The following TLL1 variants were observed in gnomAD, a reference collection of about 807,000 sequenced individuals.
The protein encoded by TLL1 is tolloid-like protein 1.
TLL1 carries 49 observed loss-of-function variants against 128.2 expected under a neutral mutation model. The observed-to-expected ratio is 0.38, with a 90% confidence interval of 0.30 to 0.48. TLL1 has a LOEUF of 0.48. Ranked by LOEUF, TLL1 falls within the 20% of genes least tolerant of loss-of-function variation. The pLI is 0.96. For synonymous variants in TLL1, 454 were observed against 418.8 expected, an observed-to-expected ratio of 1.08 and a Z score of -1.03; for missense variants, 1,123 against 1,242.0, an observed-to-expected ratio of 0.90 and a Z score of 1.44.
intron 19 of TLL1, among the ~76,000 whole-genome samples, chr4:166,098,236 G>A (rs1007068051): frequency 1.3e-5 from 2 of 151,244 alleles, no homozygotes; most frequent in African/African-American, 4.9e-5. Flanking sequence ...TTGGGAGGGT[G>A]AGGCAGGAGA....
At chr4:166,040,205 A>C (rs1262232440) in intron 10 of TLL1, among the ~76,000 whole-genome samples, 2 of 152,200 alleles carry the variant, frequency 1.3e-5, no homozygotes, top group Non-Finnish European at 2.9e-5. Context: ...GCATTGATGA[A>C]CTGTACAGCT....
Position 166,103,377 on chromosome 4 carries a change from A to G in TLL1, c.*2501A>G, listed in dbSNP as rs1579749248. 1 of 151,774 alleles carries G rather than the reference A, an allele frequency of 6.6e-6. No homozygotes were observed. The highest frequency in any genetic ancestry group is 2.4e-5 in the African/African-American group (1 of 41,394). 9.4% of individuals were successfully genotyped at this position (151,774 alleles called of 1,614,324 possible). ...AGAATTAGTACTAGAAATTTAAAAA[A>G]CCCTATAGTTTGGAGTTAGTATGAG... On this transcript the variant is annotated 3_prime_UTR_variant, in exon 21 of 21. Coordinates refer to ENST00000061240, the MANE Select transcript of TLL1 (RefSeq NM_012464.5).
At chr4:165,996,713 G>A (rs1379444546) in intron 5 of TLL1, among the ~76,000 whole-genome samples, 1 of 152,040 alleles carries the variant, frequency 6.6e-6, no homozygotes, top group Non-Finnish European at 1.5e-5. Flanking sequence ...AAGATTGTGA[G>A]ACTTTCAGGG....
At chr4:166,076,308 A>G (rs1741020315) in intron 17 of TLL1, among the ~76,000 whole-genome samples, 1 of 152,116 alleles carries the variant, frequency 6.6e-6, no homozygotes, top group African/African-American at 2.4e-5. Context: ...CCTGAGCTCA[A>G]GCAATCCACC....
At chr4:166,046,066 T>C (rs1335480287) in intron 12 of TLL1, among the ~76,000 whole-genome samples, 1 of 152,222 alleles carries the variant, frequency 6.6e-6, no homozygotes, top group Non-Finnish European at 1.5e-5. Context: ...GGATCTTACC[T>C]GTGTCTCTGA....
In TLL1 at chr4:166,048,238, G is replaced by GAAA. The variant is rs56801648; in HGVS notation, c.1524+4836_1524+4838dup. On this transcript the variant is annotated intron_variant, in intron 12 of 20. Coordinates refer to ENST00000061240, the MANE Select transcript of TLL1 (RefSeq NM_012464.5). ...GCAACAAGAGCGAAATTCCGTCTCG[G>GAAA]AAAAAAAAAAAAAAAAAAAGGCCTA... Among the ~76,000 whole-genome samples the GAAA allele has an allele frequency of 1.2e-3, 120 of 100,636 alleles. 1 individual carries two copies. Among genetic ancestry groups the GAAA allele is most frequent in the Middle Eastern group, 0.013 (2 of 156 alleles). 66.0% of individuals were successfully genotyped at this position (100,636 alleles called of 152,430 possible).
chr4:165,948,155 C>T (rs7666241), intron 1 of TLL1, among the ~76,000 whole-genome samples: 23,753 of 152,046 alleles, frequency 0.16, 5,083 homozygotes, highest in African/African-American at 0.49. Flanking sequence ...GCTTTGTACC[C>T]GTCAGCTTGT....
At chr4:166,029,115 C>T (rs1000713436) in intron 9 of TLL1, among the ~76,000 whole-genome samples, 1 of 151,760 alleles carries the variant, frequency 6.6e-6, no homozygotes, top group Non-Finnish European at 1.5e-5. Context: ...TTTAATACAT[C>T]CCTTTTTTTG....
rs1579687265 is a variant in TLL1, at chr4:166,058,728, T to C, written c.1847-1300T>C. Reference sequence around the variant, plus strand: ...CATCTTCATAGAATGTGTAGCAGTTTAACATTATTTATATTTATGTATTTA... The same window carrying C: ...CATCTTCATAGAATGTGTAGCAGTTCAACATTATTTATATTTATGTATTTA... On this transcript the variant is annotated intron_variant, in intron 14 of 20. Coordinates refer to ENST00000061240, the MANE Select transcript of TLL1 (RefSeq NM_012464.5). 2.0e-5 allele frequency among the ~76,000 whole-genome samples: 3 copies of C among 152,304 alleles called. No individual in the cohort carries two copies. In the East Asian group the frequency reaches 5.8e-4, roughly 29 times the overall value.
intron 1 of TLL1, among the ~76,000 whole-genome samples, chr4:165,986,098 T>G (rs1157585396): frequency 6.6e-6 from 1 of 152,018 alleles, no homozygotes; most frequent in African/African-American, 2.4e-5. Context: ...ACTTTAAGAC[T>G]GTTTATCTCC....
intron 1 of TLL1, among the ~76,000 whole-genome samples, chr4:165,944,737 T>C (rs1038002494): frequency 2.0e-5 from 3 of 151,822 alleles, no homozygotes; most frequent in Admixed American, 6.6e-5. Context: ...TGGTGGTTAG[T>C]GGAAAAAAAT....
At chr4:165,910,732 G>A (rs1470800678) in intron 1 of TLL1, among the ~76,000 whole-genome samples, 1 of 152,176 alleles carries the variant, frequency 6.6e-6, no homozygotes, top group African/African-American at 2.4e-5. Context: ...AATGCATTAT[G>A]TCAAATAACT....
intron 1 of TLL1, among the ~76,000 whole-genome samples, chr4:165,885,335 C>G (rs1269656611): frequency 6.6e-6 from 1 of 152,034 alleles, no homozygotes; most frequent in East Asian, 1.9e-4. Flanking sequence ...GAGCTCCTCT[C>G]AAGTGGTACC....
At chr4:166,055,045 A>G in intron 12 of TLL1, 31 bp from the exon 13 acceptor site, 1 of 1,583,480 alleles carries the variant, frequency 6.3e-7, no homozygotes, top group Admixed American at 1.7e-5. Flanking sequence ...ATCTATAAAC[A>G]TATATTTTCA....
At chr4:166,022,383 T>C (rs1258379197) in intron 8 of TLL1, among the ~76,000 whole-genome samples, 2 of 152,188 alleles carry the variant, frequency 1.3e-5, no homozygotes, top group Admixed American at 6.5e-5. Context: ...CAGGCTGGTC[T>C]GGAACTCCTG....
At chr4:165,924,800 C>A (rs1301133391) in intron 1 of TLL1, among the ~76,000 whole-genome samples, 3 of 152,168 alleles carry the variant, frequency 2.0e-5, no homozygotes, top group African/African-American at 7.2e-5. Context: ...CAGGCTGACT[C>A]TTTTGTTAGG....
intron 1 of TLL1, among the ~76,000 whole-genome samples, chr4:165,934,344 T>G (rs1036835858): frequency 3.3e-5 from 5 of 152,070 alleles, no homozygotes; most frequent in African/African-American, 1.2e-4. Context: ...GCACAATGCC[T>G]GCTGGGAAAC....
chr4:166,001,663 G>A (rs911880032), intron 5 of TLL1, among the ~76,000 whole-genome samples: 1 of 151,926 alleles, frequency 6.6e-6, no homozygotes, highest in Admixed American at 6.6e-5. Context: ...GCCAGGCATG[G>A]TGGCAGGTGA....
chr4:166,043,325 A>G lies in TLL1; in HGVS notation c.1430A>G (p.Asn477Ser), dbSNP rs756131972. The change falls in exon 12 of 21, where the codon AAT (asparagine) becomes AGT (serine). Residue 477 changes from asparagine to serine, a missense_variant. Asn to Ser is a conservative substitution (Grantham distance 46). Coordinates refer to ENST00000061240, the MANE Select transcript of TLL1 (RefSeq NM_012464.5). Reference protein sequence around the residue: ...RKNEGQIQSPNYPDDYRPMKE... With the variant: ...RKNEGQIQSPSYPDDYRPMKE... ...AATGAAGGACAGATTCAGTCTCCCA[A>G]TTATCCTGATGACTATCGCCCGATG... The G allele has an allele frequency of 2.4e-5, 39 of 1,614,020 alleles. No individual in the cohort carries two copies. The highest frequency in any genetic ancestry group is 3.2e-5 in the Non-Finnish European group (38 of 1,180,006).
Sources: allele counts gnomAD v4.1 joint callset (sites outside exome capture counted in the v4.1 genomes callset), GRCh38; gene constraint gnomAD v4.1.1; transcripts MANE v1.5; gene names NCBI Gene and HGNC (gene_info 2026-07-23, HGNC 2026-07-21).